The following NEGR1 variants were observed in gnomAD, a reference collection of about 807,000 sequenced individuals.
The protein encoded by NEGR1 is IgLON family member 4.
Under a neutral mutation model 40.9 loss-of-function variants are expected in NEGR1, and 10 were observed. The observed-to-expected ratio is 0.24, with a 90% CI of 0.15 to 0.42. NEGR1 has a LOEUF of 0.42. Among genes scored for constraint, NEGR1 ranks in the 10% least tolerant of loss-of-function variants. NEGR1 has a pLI of 1.00. For synonymous variants in NEGR1, 185 were observed against 166.8 expected, an observed-to-expected ratio of 1.11 and a Z score of -0.84; for missense variants, 352 against 438.9, an observed-to-expected ratio of 0.80 and a Z score of 1.77.
At chr1:72,021,895 G>C (rs1017771761) in intron 1 of NEGR1, among the ~76,000 whole-genome samples, 14 of 152,124 alleles carry the variant, frequency 9.2e-5, no homozygotes, top group African/African-American at 3.1e-4. Context: ...CAGCACTTTG[G>C]GAGGCCGAGG....
At chr1:71,926,479 A>G (rs1445569369) in intron 2 of NEGR1, among the ~76,000 whole-genome samples, 5 of 152,140 alleles carry the variant, frequency 3.3e-5, no homozygotes, top group African/African-American at 1.2e-4. Context: ...GATCCAAGAC[A>G]CTGAATTAGA....
chr1:71,515,606 G>C (rs1647115559), intron 6 of NEGR1, among the ~76,000 whole-genome samples: 1 of 74,604 alleles, frequency 1.3e-5, no homozygotes, highest in Non-Finnish European at 2.4e-5. Flanking sequence ...ACCGGTACCA[G>C]CCACTGCAAA....
Position 72,034,142 on chromosome 1 carries a change from A to AT in NEGR1, c.177-98832dup, listed in dbSNP as rs993508992. 3.7e-4 allele frequency among the ~76,000 whole-genome samples: 56 copies of AT among 152,104 alleles called. No individual in the cohort carries two copies. The East Asian group carries it at 6.2e-3, about 17-fold the overall frequency. ...AATCAACTTGAGTTAAATGTGTAGA[A>AT]TTTTTTTTGGTTGCTTTTTATATAA... On this transcript the variant is annotated intron_variant, in intron 1 of 6. Coordinates refer to ENST00000357731, the MANE Select transcript of NEGR1 (RefSeq NM_173808.3).
chr1:72,223,629 TATACAA>T (rs1334131721), intron 1 of NEGR1, among the ~76,000 whole-genome samples: 2 of 152,130 alleles, frequency 1.3e-5, no homozygotes, highest in Admixed American at 6.6e-5. Flanking sequence ...AAAATTACTC[TATACAA>T]GTTATAACAC....
chr1:71,888,033 A>G (rs1005908380), intron 2 of NEGR1, among the ~76,000 whole-genome samples: 1 of 145,202 alleles, frequency 6.9e-6, no homozygotes, highest in African/African-American at 2.6e-5. Context: ...ACACACACAC[A>G]CACCTCTAGA....
At chr1:72,182,345 T>A (rs1375492533) in intron 1 of NEGR1, among the ~76,000 whole-genome samples, 1 of 151,964 alleles carries the variant, frequency 6.6e-6, no homozygotes, top group Non-Finnish European at 1.5e-5. Context: ...AATACAAAAA[T>A]TAGCTGGCCA....
chr1:72,105,557 T>C (rs1386062835), intron 1 of NEGR1, among the ~76,000 whole-genome samples: 1 of 151,322 alleles, frequency 6.6e-6, no homozygotes, highest in African/African-American at 2.4e-5. Context: ...AATAAATAAA[T>C]AAATAAATAA....
At chr1:71,591,561 G>A (rs1762721) in intron 6 of NEGR1, among the ~76,000 whole-genome samples, 136,116 of 152,094 alleles carry the variant, frequency 0.89, 62,261 homozygotes, top group Non-Finnish European at 1. Context: ...TTTACATTAA[G>A]TTGGAATTCA....
At chr1:71,734,638 C>G (rs1023345945) in intron 3 of NEGR1, among the ~76,000 whole-genome samples, 1 of 152,074 alleles carries the variant, frequency 6.6e-6, no homozygotes, top group African/African-American at 2.4e-5. Flanking sequence ...CCCCATCTTT[C>G]TTTTTCTCCT....
intron 1 of NEGR1, among the ~76,000 whole-genome samples, chr1:72,069,905 A>T (rs1647392314): frequency 1.3e-5 from 2 of 152,092 alleles, no homozygotes; most frequent in Admixed American, 1.3e-4. Flanking sequence ...CTTCATGGAC[A>T]TCCAAGTTTA....
At chr1:71,639,030 C>T (rs1557596371) in intron 4 of NEGR1, among the ~76,000 whole-genome samples, 1 of 151,614 alleles carries the variant, frequency 6.6e-6, no homozygotes, top group Admixed American at 6.6e-5. Context: ...TGAGAGTAGG[C>T]CTATATCCCA....
chr1:72,005,547 G>C (rs1019741425), intron 1 of NEGR1, among the ~76,000 whole-genome samples: 2 of 152,044 alleles, frequency 1.3e-5, no homozygotes, highest in Non-Finnish European at 2.9e-5. Flanking sequence ...TACATATCCA[G>C]ATTTGTATTT....
chr1:71,482,451 T>A (rs1289500431), intron 6 of NEGR1, among the ~76,000 whole-genome samples: 1 of 151,852 alleles, frequency 6.6e-6, no homozygotes, highest in Non-Finnish European at 1.5e-5. Flanking sequence ...AAATCTTTTT[T>A]GATTAAAAAA....
intron 2 of NEGR1, among the ~76,000 whole-genome samples, chr1:71,866,461 C>CA (rs1660116486): frequency 6.6e-6 from 1 of 152,034 alleles, no homozygotes; most frequent in Non-Finnish European, 1.5e-5. Context: ...TTTCAATATT[C>CA]AAAAAATGAT....
intron 4 of NEGR1, among the ~76,000 whole-genome samples, chr1:71,696,350 C>G (rs1229652085): frequency 6.6e-6 from 1 of 151,580 alleles, no homozygotes; most frequent in South Asian, 2.1e-4. Context: ...AGTATAGGTC[C>G]CATGCAAATC....
At chr1:72,068,668 G>C (rs1437533096) in intron 1 of NEGR1, among the ~76,000 whole-genome samples, 2 of 152,102 alleles carry the variant, frequency 1.3e-5, no homozygotes, top group African/African-American at 4.8e-5. Flanking sequence ...AAAACTTCTT[G>C]AAGTAAATAG....
intron 1 of NEGR1, among the ~76,000 whole-genome samples, chr1:72,087,955 C>T (rs1380452344): frequency 1.3e-5 from 2 of 152,022 alleles, no homozygotes; most frequent in Non-Finnish European, 2.9e-5. Context: ...AAATGGCACA[C>T]TGAAAAGAAA....
chr1:71,867,439 T>G (rs1273025739), intron 2 of NEGR1, among the ~76,000 whole-genome samples: 1 of 152,216 alleles, frequency 6.6e-6, no homozygotes, highest in Non-Finnish European at 1.5e-5. Flanking sequence ...GTTTCATTAT[T>G]ATGCTGTGTA....
intron 1 of NEGR1, among the ~76,000 whole-genome samples, chr1:72,156,941 T>TTG (rs1557554767): frequency 1.3e-5 from 2 of 149,760 alleles, no homozygotes; most frequent in African/African-American, 4.9e-5. Flanking sequence ...TTGTATGTGT[T>TTG]TTGTTGTTGT....
Sources: gnomAD v4.1 joint callset for allele counts (sites outside exome capture counted in the v4.1 genomes callset) on GRCh38, gnomAD v4.1.1 for gene constraint, MANE v1.5 for transcripts, NCBI Gene and HGNC (gene_info 2026-07-23, HGNC 2026-07-21) for gene names.